The following PCDH15 variants were observed in gnomAD, a reference collection of about 807,000 sequenced individuals.
PCDH15 encodes the protein protocadherin-15.
In PCDH15, 129 loss-of-function variants were observed where a neutral mutation model predicts 178.5. The observed-to-expected ratio is 0.72, with a 90% CI of 0.63 to 0.84. The LOEUF (loss-of-function observed/expected upper bound fraction) is 0.84. Among genes scored for constraint, PCDH15 ranks in the 40% least tolerant of loss-of-function variants. PCDH15 has a pLI of 0.00. For synonymous variants in PCDH15, 800 were observed against 732.0 expected (o/e 1.09, Z -1.50); for missense variants, 2,230 against 2,099.9 (o/e 1.06, Z -1.21).
At chr10:55,325,308 G>C (rs1306132044) in intron 2 of PCDH15, among the ~76,000 whole-genome samples, 1 of 151,892 alleles carries the variant, frequency 6.6e-6, no homozygotes, top group Non-Finnish European at 1.5e-5. Flanking sequence ...TGATGTTACA[G>C]GATTTCAAAG....
chr10:55,592,183 A>G (rs1168110245), intron 2 of PCDH15, among the ~76,000 whole-genome samples: 3 of 152,138 alleles, frequency 2.0e-5, no homozygotes, highest in Non-Finnish European at 4.4e-5. Context: ...GGCAAGTCCA[A>G]TCTCTATTCT....
At chr10:55,357,741 GC>G (rs1478124376) in intron 2 of PCDH15, among the ~76,000 whole-genome samples, 1 of 151,882 alleles carries the variant, frequency 6.6e-6, no homozygotes, top group Non-Finnish European at 1.5e-5. Flanking sequence ...GCATATGCCA[GC>G]CTATAGAGAT....
chr10:54,707,298 GCA>G (rs2095375176), intron 1 of PCDH15, among the ~76,000 whole-genome samples: 1 of 152,154 alleles, frequency 6.6e-6, no homozygotes, highest in Non-Finnish European at 1.5e-5. Context: ...AGTACATCAT[GCA>G]ACAGTAACTT....
chr10:53,994,402 G>A (rs1341607364), intron 21 of PCDH15, among the ~76,000 whole-genome samples: 1 of 151,924 alleles, frequency 6.6e-6, no homozygotes, highest in Non-Finnish European at 1.5e-5. Flanking sequence ...GTTTCTATTT[G>A]CAATTCTGTC....
chr10:54,410,810 C>T (rs1953377362), intron 3 of PCDH15, among the ~76,000 whole-genome samples: 1 of 151,996 alleles, frequency 6.6e-6, no homozygotes, highest in South Asian at 2.1e-4. Flanking sequence ...TTAGAAGTTC[C>T]AAGGCAACAG....
At chr10:55,146,009 T>G (rs1472280419) in intron 2 of PCDH15, among the ~76,000 whole-genome samples, 1 of 133,164 alleles carries the variant, frequency 7.5e-6, no homozygotes, top group Non-Finnish European at 1.6e-5. Flanking sequence ...CCAATTTCAC[T>G]TAGCAAACCA....
At chr10:55,412,879 T>TCA (rs71014485) in intron 2 of PCDH15, among the ~76,000 whole-genome samples, 16,957 of 134,648 alleles carry the variant, frequency 0.13, 1,153 homozygotes, top group East Asian at 0.31. Context: ...TCAACAATAA[T>TCA]CACACACACA....
At chr10:54,505,624 C>T (rs1420579427) in intron 3 of PCDH15, among the ~76,000 whole-genome samples, 3 of 151,964 alleles carry the variant, frequency 2.0e-5, no homozygotes, top group South Asian at 4.2e-4. Context: ...GGGAGGGGAA[C>T]ATCACACACT....
intron 21 of PCDH15, among the ~76,000 whole-genome samples, chr10:53,974,880 A>G (rs1381831752): frequency 1.3e-5 from 2 of 152,010 alleles, no homozygotes; most frequent in Non-Finnish European, 2.9e-5. Flanking sequence ...CCAGTCATCG[A>G]GGTAGTGAGC....
intron 2 of PCDH15, among the ~76,000 whole-genome samples, chr10:55,117,594 A>T (rs1837659048): frequency 6.6e-6 from 1 of 152,184 alleles, no homozygotes; most frequent in South Asian, 2.1e-4. Flanking sequence ...CCAGAGAGAA[A>T]CAAAACAGCC....
intron 1 of PCDH15, among the ~76,000 whole-genome samples, chr10:55,293,546 C>T (rs1327497881): frequency 6.6e-6 from 1 of 152,162 alleles, no homozygotes; most frequent in Non-Finnish European, 1.5e-5. Context: ...AAACTGAATG[C>T]CTTTAACAGC....
intron 2 of PCDH15, among the ~76,000 whole-genome samples, chr10:54,926,549 T>C (rs1479840332): frequency 6.6e-6 from 1 of 152,050 alleles, no homozygotes; most frequent in Non-Finnish European, 1.5e-5. Context: ...TATGTACATT[T>C]GGTAGAAATC....
intron 2 of PCDH15, among the ~76,000 whole-genome samples, chr10:55,445,277 T>G (rs2132074592): frequency 6.6e-6 from 1 of 152,198 alleles, no homozygotes; most frequent in Admixed American, 6.5e-5. Flanking sequence ...TCCTGCTTTT[T>G]TTTTCTGCAT....
intron 32 of PCDH15, among the ~76,000 whole-genome samples, chr10:53,826,986 A>G (rs2076721565): frequency 6.6e-6 from 1 of 151,978 alleles, no homozygotes; most frequent in South Asian, 2.1e-4. Flanking sequence ...CAGGATTACT[A>G]TTTTATGATT....
chr10:55,252,550 C>T (rs1324421256), intron 1 of PCDH15, among the ~76,000 whole-genome samples: 1 of 151,562 alleles, frequency 6.6e-6, no homozygotes, highest in Non-Finnish European at 1.5e-5. Context: ...AGTTTTTTTC[C>T]TATAATTAAG....
At chr10:54,296,779 T>A (rs1265514699) in intron 8 of PCDH15, among the ~76,000 whole-genome samples, 1 of 151,834 alleles carries the variant, frequency 6.6e-6, no homozygotes, top group African/African-American at 2.4e-5. Context: ...TCCTTGCTAT[T>A]CATATAAGTG....
At chr10:54,782,328 G>A (rs963788175) in intron 1 of PCDH15, among the ~76,000 whole-genome samples, 38 of 152,196 alleles carry the variant, frequency 2.5e-4, no homozygotes, top group Admixed American at 1.7e-3. Context: ...AAAACTCTGT[G>A]AGCCTCAGTT....
intron 8 of PCDH15, among the ~76,000 whole-genome samples, chr10:54,263,616 T>G (rs1262217499): frequency 6.6e-6 from 1 of 152,104 alleles, no homozygotes; most frequent in African/African-American, 2.4e-5. Context: ...TGAAAGCCAC[T>G]GCAGGAACCT....
At chr10:55,322,056 T>C (rs1843915373), upstream of PCDH15, among the ~76,000 whole-genome samples, 1 of 152,166 alleles carries the variant, frequency 6.6e-6, no homozygotes, top group Non-Finnish European at 1.5e-5. Context: ...TCACCTCGAA[T>C]TGTAATAATC....
Sources: allele counts gnomAD v4.1 joint callset (sites outside exome capture counted in the v4.1 genomes callset), GRCh38; gene constraint gnomAD v4.1.1; transcripts MANE v1.5; gene names NCBI Gene and HGNC (gene_info 2026-07-23, HGNC 2026-07-21).